ASIC2: variants seen among roughly 807,000 people sequenced by gnomAD.
ASIC2 encodes acid sensing ion channel subunit 2, also known as acid-sensing ion channel 2.
Under a neutral mutation model 57.3 loss-of-function variants are expected in ASIC2, and 25 were observed. That is an observed-to-expected ratio of 0.44 (90% CI 0.32 to 0.61). The LOEUF (loss-of-function observed/expected upper bound fraction) is 0.61. Ranked by LOEUF, ASIC2 falls within the 20% of genes least tolerant of loss-of-function variation. The pLI, the probability that ASIC2 is intolerant of heterozygous loss-of-function variation, is 0.06. For synonymous variants in ASIC2, 319 were observed against 307.5 expected, an observed-to-expected ratio of 1.04 and a Z score of -0.39; for missense variants, 641 against 738.1, an observed-to-expected ratio of 0.87 and a Z score of 1.52.
chr17:33,528,959 C>G (rs1354251071), intron 1 of ASIC2, among the ~76,000 whole-genome samples: 6 of 152,132 alleles, frequency 3.9e-5, no homozygotes, highest in Admixed American at 3.3e-4. Flanking sequence ...GAAAAGAGGA[C>G]AGAGGCAGGC....
At chr17:33,868,195 ATGTGTG>A (rs3071204) in intron 1 of ASIC2, among the ~76,000 whole-genome samples, 42,986 of 139,950 alleles carry the variant, frequency 0.31, 6,742 homozygotes, top group East Asian at 0.63. Flanking sequence ...GTGTGTGTGT[ATGTGTG>A]TGTGTGTGTG....
intron 1 of ASIC2, among the ~76,000 whole-genome samples, chr17:33,861,614 A>G (rs751120293): frequency 3.3e-5 from 5 of 152,246 alleles, no homozygotes; most frequent in Non-Finnish European, 7.3e-5. Context: ...ACACCAGCTC[A>G]GGAACTTTGA....
intron 1 of ASIC2, chr17:33,635,073 TAAAC>T (rs957611318): frequency 3.9e-5 from 6 of 152,170 alleles, no homozygotes; most frequent in African/African-American, 1.4e-4. Context: ...GTAAATATTA[TAAAC>T]AAACAAAAGA....
intron 1 of ASIC2, among the ~76,000 whole-genome samples, chr17:33,726,714 A>C (rs528685315): frequency 6.6e-6 from 1 of 152,326 alleles, no homozygotes; most frequent in South Asian, 2.1e-4. Flanking sequence ...CCCATTCCTT[A>C]GGCATCCTGG....
intron 1 of ASIC2, among the ~76,000 whole-genome samples, chr17:33,578,926 A>C (rs544946966): frequency 1.3e-5 from 2 of 152,138 alleles, no homozygotes; most frequent in South Asian, 4.2e-4. Flanking sequence ...ATGGGGTCAG[A>C]ATTCTCTAGC....
chr17:33,296,965 A>G (rs1459703753), upstream of ASIC2, among the ~76,000 whole-genome samples: 1 of 152,228 alleles, frequency 6.6e-6, no homozygotes, highest in East Asian at 1.9e-4. Context: ...ATTCTGGAAC[A>G]TCTTGCTGTG....
chr17:33,765,882 T>C (rs918916378), intron 1 of ASIC2, among the ~76,000 whole-genome samples: 1 of 152,216 alleles, frequency 6.6e-6, no homozygotes, highest in Admixed American at 6.5e-5. Flanking sequence ...GCCCCAGATG[T>C]GGGCAATGTA....
At chr17:33,971,080 C>T (rs187802456) in intron 1 of ASIC2, among the ~76,000 whole-genome samples, 17 of 152,286 alleles carry the variant, frequency 1.1e-4, no homozygotes, top group East Asian at 5.8e-4. Context: ...CTCCAGGATG[C>T]GTGTGCAATG....
intron 1 of ASIC2, among the ~76,000 whole-genome samples, chr17:33,468,484 T>C (rs1299501989): frequency 6.6e-6 from 1 of 152,206 alleles, no homozygotes; most frequent in Non-Finnish European, 1.5e-5. Context: ...CCGTATTATA[T>C]ACTTCTAAAA....
rs771624171 is a variant in ASIC2 at position 33,898,220 on chromosome 17, C to CTTTTTTTTTT, written c.555+257748_555+257757dup. On this transcript the variant is annotated intron_variant, in intron 1 of 9. Transcript: ENST00000359872. ...AAACTGCCCAGAGTTCATGTATAAT[C>CTTTTTTTTTT]TTTTTTTTTTTTTTTTTTTTTTTTT... Among the ~76,000 whole-genome samples the CTTTTTTTTTT allele has an allele frequency of 4.0e-3, 266 of 66,174 alleles. 69 individuals are homozygous for CTTTTTTTTTT. Among genetic ancestry groups the CTTTTTTTTTT allele is most frequent in the Non-Finnish European group, 4.8e-3 (173 of 36,088 alleles). 43.4% of individuals were successfully genotyped at this position (66,174 alleles called of 152,430 possible).
chr17:33,579,312 G>T (rs545189077), intron 1 of ASIC2, among the ~76,000 whole-genome samples: 2 of 149,680 alleles, frequency 1.3e-5, no homozygotes, highest in Non-Finnish European at 2.9e-5. Context: ...AAATGCAGGT[G>T]GGTGACTCAG....
intron 1 of ASIC2, among the ~76,000 whole-genome samples, chr17:33,874,960 C>T (rs1300337146): frequency 1.3e-5 from 2 of 152,190 alleles, no homozygotes; most frequent in African/African-American, 4.8e-5. Flanking sequence ...CCTCCCCCAT[C>T]TTGTCCCATG....
At chr17:33,043,688 T>G (rs1262156976) in intron 3 of ASIC2, among the ~76,000 whole-genome samples, 1 of 152,196 alleles carries the variant, frequency 6.6e-6, no homozygotes, top group Admixed American at 6.5e-5. Context: ...TATTATGTAT[T>G]ATATAAAATA....
chr17:33,976,109 G>A (rs1308197906), intron 1 of ASIC2, among the ~76,000 whole-genome samples: 2 of 144,080 alleles, frequency 1.4e-5, no homozygotes, highest in Non-Finnish European at 3.0e-5. Flanking sequence ...GCCTTCCCTG[G>A]TCTCCTTATA....
rs146353846 is a variant in ASIC2 at position 33,145,016 on chromosome 17, C to T, written c.709-32949G>A. ...GTGCAGAGCAGGTGCCACGTGAGTG[C>T]TTACTCTCCTCCAGGAGGTAGACTG... On this transcript the variant is annotated intron_variant, in intron 1 of 9. Transcript: ENST00000225823. Among the ~76,000 whole-genome samples the T allele has an allele frequency of 2.3e-3, 346 of 152,316 alleles. 1 individual carries two copies. Among genetic ancestry groups the T allele is most frequent in the Non-Finnish European group, 3.6e-3 (243 of 68,012 alleles).
chr17:33,879,223 C>A (rs541212244), intron 1 of ASIC2, among the ~76,000 whole-genome samples: 1 of 152,306 alleles, frequency 6.6e-6, no homozygotes, highest in East Asian at 1.9e-4. Context: ...AACCAGCTAA[C>A]ATCATGATGA....
chr17:34,074,278 G>C (rs527960681), intron 1 of ASIC2, among the ~76,000 whole-genome samples: 1 of 152,132 alleles, frequency 6.6e-6, no homozygotes, highest in Non-Finnish European at 1.5e-5. Context: ...ATCCCAAGGG[G>C]CTAGGCACTG....
chr17:33,389,720 C>A (rs1438841017), intron 1 of ASIC2, among the ~76,000 whole-genome samples: 1 of 152,182 alleles, frequency 6.6e-6, no homozygotes, highest in African/African-American at 2.4e-5. Context: ...CAAGAATATT[C>A]TGTCTGTCTT....
intron 1 of ASIC2, among the ~76,000 whole-genome samples, chr17:33,926,636 A>G (rs981059325): frequency 6.6e-6 from 1 of 152,248 alleles, no homozygotes; most frequent in African/African-American, 2.4e-5. Flanking sequence ...TGCTACCTAA[A>G]GCAACCATTT....
Sources: gnomAD v4.1 joint callset for allele counts (sites outside exome capture counted in the v4.1 genomes callset) on GRCh38, gnomAD v4.1.1 for gene constraint, MANE v1.5 for transcripts, NCBI Gene and HGNC (gene_info 2026-07-23, HGNC 2026-07-21) for gene names.